Variants in PCYT1A observed in about 807,000 individuals in gnomAD.
The protein encoded by PCYT1A is choline-phosphate cytidylyltransferase A.
In PCYT1A, 25 loss-of-function variants were observed where a neutral mutation model predicts 43.7. The observed-to-expected ratio is 0.57, with a 90% CI of 0.42 to 0.80. The LOEUF (loss-of-function observed/expected upper bound fraction) is 0.80, where lower values mean the gene tolerates loss of function less well. Ranked by LOEUF, PCYT1A falls within the 30% of genes least tolerant of loss-of-function variation. The pLI is 0.00. For synonymous variants in PCYT1A, 172 were observed against 170.7 expected, an observed-to-expected ratio of 1.01 and a Z score of -0.06; for missense variants, 421 against 474.2, an observed-to-expected ratio of 0.89 and a Z score of 1.04.
At chr3:196,269,853 TTTTA>T (rs1725379851) in intron 2 of PCYT1A, among the ~76,000 whole-genome samples, 1 of 151,974 alleles carries the variant, frequency 6.6e-6, no homozygotes, top group Non-Finnish European at 1.5e-5. Context: ...ATTTCATTAG[TTTTA>T]TTTATTTGTT....
In PCYT1A at chr3:196,268,276, G is replaced by A. The variant is rs1189452137; in HGVS notation, c.117+2139C>T. On this transcript the variant is annotated intron_variant, in intron 2 of 8. Transcript: ENST00000431016. This position sits in a 1 kb window ranked among gnomAD's most constrained non-coding sequence, Gnocchi z 4.4. The stretch of plus-strand genomic sequence containing the variant: ...AGTATCACCTATTTGGTTATAACTT[G>A]TTCCTACTCCAAGTGATGTTGCTGA... Among the ~76,000 whole-genome samples, 3 of 152,110 alleles carry A rather than the reference G, an allele frequency of 2.0e-5. No homozygotes were observed. Among genetic ancestry groups the A allele is most frequent in the Admixed American group, 1.3e-4 (2 of 15,256 alleles).
intron 1 of PCYT1A, among the ~76,000 whole-genome samples, chr3:196,272,471 A>G (rs1725461257): frequency 6.6e-6 from 1 of 152,072 alleles, no homozygotes; most frequent in South Asian, 2.1e-4. Flanking sequence ...GGCGTGAGCC[A>G]TGGCGCCTAG....
chr3:196,247,979 C>A lies in PCYT1A; in HGVS notation c.334+228G>T. ...ACGGCTGCTCCTGTGACCACAGAAA[C>A]TCAGCTACAAGCAGTGAATAAATGC... On this transcript the variant is annotated intron_variant, in intron 4 of 8. Transcript: ENST00000431016. The surrounding 1 kb of genome is among the most constrained non-coding windows in gnomAD (Gnocchi z 4.8). The A allele has an allele frequency of 1.8e-6, 1 of 552,626 alleles. No homozygotes were observed. 34.2% of individuals were successfully genotyped at this position (552,626 alleles called of 1,614,324 possible). A position where few individuals can be genotyped will look rare whatever the true frequency, so the allele number is the denominator to read the frequency against.
chr3:196,242,656 C>T lies in PCYT1A; in HGVS notation c.487-16G>A, dbSNP rs1363055887. 1.9e-6 allele frequency: 3 copies of T among 1,549,058 alleles called. No individual in the cohort carries two copies. Among genetic ancestry groups the T allele is most frequent in the Non-Finnish European group, 2.7e-6 (3 of 1,120,914 alleles). ...CAAAATCAATCTGAAAATAAGGAAA[C>T]ATCATTAAAACCCATGATAACTGCC... On this transcript the variant is annotated splice_polypyrimidine_tract_variant and intron_variant, in intron 5 of 8. Transcript: ENST00000431016. This position sits in a 1 kb window ranked among gnomAD's most constrained non-coding sequence, Gnocchi z 4.2.
intron 3 of PCYT1A, among the ~76,000 whole-genome samples, chr3:196,255,038 C>T (rs1724911219): frequency 6.6e-6 from 1 of 152,132 alleles, no homozygotes; most frequent in Non-Finnish European, 1.5e-5. Context: ...ATACAACCTC[C>T]CTCGTAAAAA....
intron 2 of PCYT1A, chr3:196,267,293 T>C: frequency 2.2e-6 from 1 of 456,450 alleles, no homozygotes; most frequent in Non-Finnish European, 4.4e-6. Context: ...ATGATGTCAT[T>C]TGTATGAATG....
Position 196,254,333 on chromosome 3 carries a change from A to AT in PCYT1A, c.217+3454dup, listed in dbSNP as rs767923427. 5.1e-3 allele frequency among the ~76,000 whole-genome samples: 778 copies of AT among 151,116 alleles called. 4 individuals are homozygous for AT. The highest frequency in any genetic ancestry group is 8.7e-3 in the Non-Finnish European group (588 of 67,756). ...GAGTCACTGTACCTGGCCTATATAT[A>AT]TATTTTTTTAATTTTTATTTATGTA... On this transcript the variant is annotated intron_variant, in intron 3 of 8. Coordinates refer to ENST00000431016, the MANE Select transcript of PCYT1A (RefSeq NM_001312673.2).
At chr3:196,253,661 G>C (rs1724868817) in intron 3 of PCYT1A, among the ~76,000 whole-genome samples, 1 of 152,148 alleles carries the variant, frequency 6.6e-6, no homozygotes, top group African/African-American at 2.4e-5. Flanking sequence ...ACCAATCCCA[G>C]ATGCGCCTCT....
intron 5 of PCYT1A, among the ~76,000 whole-genome samples, chr3:196,246,767 T>G (rs913377914): frequency 2.0e-5 from 3 of 152,236 alleles, no homozygotes; most frequent in Admixed American, 6.5e-5. Flanking sequence ...CTCAGGAGAC[T>G]GGCATGTTCT....
At chr3:196,275,902 C>G (rs1725575090) in intron 1 of PCYT1A, among the ~76,000 whole-genome samples, 1 of 151,722 alleles carries the variant, frequency 6.6e-6, no homozygotes. Context: ...TTGAGAACAT[C>G]CTGGCTAACA....
chr3:196,255,975 TTTTC>T (rs1248124306), intron 3 of PCYT1A, among the ~76,000 whole-genome samples: 1 of 152,198 alleles, frequency 6.6e-6, no homozygotes, highest in Non-Finnish European at 1.5e-5. Context: ...TAGTCTCTGG[TTTTC>T]TTTGTCATTT....
rs1284491378 is a variant in PCYT1A at position 196,268,144 on chromosome 3, C to T, written c.117+2271G>A. 3.3e-5 allele frequency among the ~76,000 whole-genome samples: 5 copies of T among 152,040 alleles called. No individual in the cohort carries two copies. The highest frequency in any genetic ancestry group is 1.3e-4 in the Admixed American group (2 of 15,252). ...AGAATTTAAAAAAAAAAAAGATTCC[C>T]AGAGTCTAAAGACCAAGAAATTTAA... On this transcript the variant is annotated intron_variant, in intron 2 of 8. Coordinates refer to ENST00000431016, the MANE Select transcript of PCYT1A (RefSeq NM_001312673.2). The surrounding 1 kb of genome is among the most constrained non-coding windows in gnomAD (Gnocchi z 4.4).
In PCYT1A at chr3:196,242,083, A is replaced by G; in HGVS notation, c.573T>C (p.Phe191=). 5 of 1,614,004 alleles carry G rather than the reference A, an allele frequency of 3.1e-6. No homozygotes were observed. The highest frequency in any genetic ancestry group is 4.2e-6 in the Non-Finnish European group (5 of 1,180,006). Residue 191 remains phenylalanine, a synonymous_variant, in exon 7 of 9, where the codon TTT becomes TTC. Transcript: ENST00000431016. The surrounding 1 kb of genome is among the most constrained non-coding windows in gnomAD (Gnocchi z 4.2). ...VYKHIKEAGM[F]APTQRTEGIS... ...TACCTTCTGTCCTCTGTGTTGGAGC[A>G]AACATGCCTAACTCAGAAACACATA...
chr3:196,278,466 T>C (rs1186596660), intron 1 of PCYT1A, among the ~76,000 whole-genome samples: 4 of 152,158 alleles, frequency 2.6e-5, no homozygotes, highest in Non-Finnish European at 4.4e-5. Context: ...CAGCGGGCAA[T>C]GGGACTGGGA....
intron 7 of PCYT1A, among the ~76,000 whole-genome samples, chr3:196,241,053 C>T (rs142123859): frequency 2.2e-3 from 320 of 142,564 alleles, no homozygotes; most frequent in African/African-American, 8.0e-3. Flanking sequence ...CAGCACTTTG[C>T]GAGGCCAAGG....
chr3:196,287,093 G>C (rs1044134344), intron 1 of PCYT1A: 1 of 152,196 alleles, frequency 6.6e-6, no homozygotes, highest in South Asian at 2.1e-4. Flanking sequence ...GGCCTGTTAA[G>C]TTCCAGACCA....
At chr3:196,251,645 A>T (rs1724791494) in intron 3 of PCYT1A, 1 of 152,352 alleles carries the variant, frequency 6.6e-6, no homozygotes, top group Admixed American at 6.5e-5. Flanking sequence ...GTAAATATAG[A>T]TGTTATTCAT....
At position 196,241,529 on chromosome 3, in the gene PCYT1A, T is replaced by G. The variant is rs1724355858; in HGVS notation, c.708+419A>C. The stretch of plus-strand genomic sequence containing the variant: ...ATATTAAGCTAAGATAAACTTAACT[T>G]TCGTCAATCCAAATTTAAAACTCAG... On this transcript the variant is annotated intron_variant, in intron 7 of 8. Coordinates refer to ENST00000431016, the MANE Select transcript of PCYT1A (RefSeq NM_001312673.2). 6 of 1,291,072 alleles carry G rather than the reference T, an allele frequency of 4.6e-6. No individual in the cohort carries two copies. In the South Asian group the frequency reaches 7.4e-5, roughly 16 times the overall value. The allele number at this position is 1,291,072 out of a possible 1,614,324, so 80.0% of individuals were successfully genotyped here.
At position 196,273,976 on chromosome 3, in the gene PCYT1A, A is replaced by G. The variant is rs114741614; in HGVS notation, c.-10-3435T>C. ...AAGGGGCGCCTGCAGGCCTGAATGGAGCTGCTCTCAGCTCCGCCTTGGCGT... is the reference window on the plus strand; with the variant it reads ...AAGGGGCGCCTGCAGGCCTGAATGGGGCTGCTCTCAGCTCCGCCTTGGCGT... On this transcript the variant is annotated intron_variant, in intron 1 of 8. Transcript: ENST00000431016. The surrounding 1 kb of genome is among the most constrained non-coding windows in gnomAD (Gnocchi z 4.1). Among the ~76,000 whole-genome samples, 1,533 of 152,328 alleles carry G rather than the reference A, an allele frequency of 0.01. 23 individuals carry two copies. The highest frequency in any genetic ancestry group is 0.034 in the African/African-American group (1,421 of 41,570).
Sources: allele counts gnomAD v4.1 joint callset (sites outside exome capture counted in the v4.1 genomes callset), GRCh38; gene constraint gnomAD v4.1.1; non-coding constraint Gnocchi (gnomAD v3.1); transcripts MANE v1.5; gene names NCBI Gene and HGNC (gene_info 2026-07-23, HGNC 2026-07-21).